Variants in CDK14 observed in about 807,000 individuals in gnomAD.
The protein encoded by CDK14 is cyclin-dependent kinase 14.
CDK14 carries 34 observed loss-of-function variants against 60.7 expected under a neutral mutation model. That is an observed-to-expected ratio of 0.56 (90% CI 0.43 to 0.75). The LOEUF (loss-of-function observed/expected upper bound fraction) is 0.75, where lower values mean the gene tolerates loss of function less well. Ranked by LOEUF, CDK14 falls within the 30% of genes least tolerant of loss-of-function variation. The pLI, the probability that CDK14 is intolerant of heterozygous loss-of-function variation, is 0.00. For missense variants in CDK14, 482 were observed against 564.1 expected (o/e 0.85, Z 1.47); for synonymous variants, 197 against 203.7 (o/e 0.97, Z 0.28).
intron 5 of CDK14, among the ~76,000 whole-genome samples, chr7:90,836,727 A>G (rs909816294): frequency 2.0e-5 from 3 of 152,236 alleles, no homozygotes; most frequent in South Asian, 2.1e-4. Context: ...CAACCCTTTT[A>G]TACAACTGCC....
intron 14 of CDK14, among the ~76,000 whole-genome samples, chr7:91,147,792 A>G (rs1800704233): frequency 6.6e-6 from 1 of 151,952 alleles, no homozygotes; most frequent in Admixed American, 6.5e-5. Context: ...ATAATGACCA[A>G]CTCTGAAATT....
chr7:90,918,369 A>G (rs1417995710), intron 8 of CDK14, among the ~76,000 whole-genome samples: 1 of 152,248 alleles, frequency 6.6e-6, no homozygotes, highest in East Asian at 1.9e-4. Context: ...ATTATAAGTC[A>G]TTCCTTCCTT....
intron 14 of CDK14, among the ~76,000 whole-genome samples, chr7:91,170,117 T>C (rs942230720): frequency 1.3e-5 from 2 of 152,228 alleles, no homozygotes; most frequent in Non-Finnish European, 2.9e-5. Context: ...GCCAGCACTT[T>C]TGCTCTGTGA....
intron 14 of CDK14, among the ~76,000 whole-genome samples, chr7:91,123,303 T>C (rs566317508): frequency 6.6e-6 from 1 of 152,320 alleles, no homozygotes; most frequent in Admixed American, 6.5e-5. Flanking sequence ...ACTGCCATTT[T>C]CTGCATTATC....
chr7:90,606,231 A>G (rs1353118982), intron 2 of CDK14, among the ~76,000 whole-genome samples: 1 of 152,228 alleles, frequency 6.6e-6, no homozygotes, highest in Non-Finnish European at 1.5e-5. Context: ...CAAGGCCAGA[A>G]AATCTTGGGA....
chr7:90,633,076 A>G (rs927427666), intron 2 of CDK14, among the ~76,000 whole-genome samples: 1 of 140,616 alleles, frequency 7.1e-6, no homozygotes, highest in Non-Finnish European at 1.5e-5. Flanking sequence ...AGCCTGGGCG[A>G]CAAAGCGAGA....
At chr7:90,917,775 A>G in intron 8 of CDK14, 51 bp downstream of exon 8, 2 of 1,586,376 alleles carry the variant, frequency 1.3e-6, no homozygotes, top group Non-Finnish European at 1.7e-6. Context: ...TGAGAATGCC[A>G]GGCAGATGGT....
chr7:91,057,016 G>A (rs1479708116), intron 11 of CDK14, among the ~76,000 whole-genome samples: 3 of 152,050 alleles, frequency 2.0e-5, no homozygotes, highest in South Asian at 4.1e-4. Context: ...CTAGTTTACA[G>A]TCCCACCAAC....
At chr7:91,007,335 G>T (rs1434749221) in intron 10 of CDK14, among the ~76,000 whole-genome samples, 1 of 152,180 alleles carries the variant, frequency 6.6e-6, no homozygotes, top group Admixed American at 6.5e-5. Flanking sequence ...TGCCGCAGTA[G>T]CATTATTCCC....
intron 2 of CDK14, among the ~76,000 whole-genome samples, chr7:90,724,918 A>G (rs1381198216): frequency 2.0e-5 from 3 of 152,220 alleles, no homozygotes; most frequent in African/African-American, 4.8e-5. Context: ...GCATGCTCCA[A>G]CATACTTGTA....
intron 5 of CDK14, among the ~76,000 whole-genome samples, chr7:90,826,825 A>G (rs1012594010): frequency 6.6e-6 from 1 of 152,070 alleles, no homozygotes; most frequent in Non-Finnish European, 1.5e-5. Flanking sequence ...AACATCTTGT[A>G]TTATTGTGGT....
intron 2 of CDK14, among the ~76,000 whole-genome samples, chr7:90,612,384 T>C (rs1799558846): frequency 6.6e-6 from 1 of 152,184 alleles, no homozygotes; most frequent in Non-Finnish European, 1.5e-5. Flanking sequence ...ACTCTTGATC[T>C]AGTTCAGCCT....
At chr7:91,168,278 A>C (rs886234527) in intron 14 of CDK14, among the ~76,000 whole-genome samples, 1 of 146,428 alleles carries the variant, frequency 6.8e-6, no homozygotes, top group African/African-American at 2.6e-5. Context: ...AAAAAAAAAG[A>C]TAATTGGGCC....
At chr7:90,890,033 G>A (rs1562815078) in intron 6 of CDK14, among the ~76,000 whole-genome samples, 1 of 152,186 alleles carries the variant, frequency 6.6e-6, no homozygotes, top group Non-Finnish European at 1.5e-5. Context: ...AATAACATTT[G>A]ATAAAATGCT....
At chr7:91,103,167 C>T (rs1451984912) in intron 12 of CDK14, among the ~76,000 whole-genome samples, 1 of 151,934 alleles carries the variant, frequency 6.6e-6, no homozygotes, top group African/African-American at 2.4e-5. Context: ...GCAGGAGAAT[C>T]GCTGGAACCC....
chr7:90,616,343 C>T (rs1448322766), intron 2 of CDK14, among the ~76,000 whole-genome samples: 1 of 152,076 alleles, frequency 6.6e-6, no homozygotes, highest in Non-Finnish European at 1.5e-5. Flanking sequence ...TACAGTTATT[C>T]AGGGCATGAA....
At chr7:90,816,336 G>T (rs1490309508) in intron 5 of CDK14, among the ~76,000 whole-genome samples, 4 of 152,130 alleles carry the variant, frequency 2.6e-5, no homozygotes, top group Non-Finnish European at 5.9e-5. Flanking sequence ...AGGGTGTGTG[G>T]GTTGCTCCTG....
chr7:90,782,176 G>A lies in CDK14; in HGVS notation c.465-8397G>A, dbSNP rs537764481. Among the ~76,000 whole-genome samples the A allele has an allele frequency of 1.5e-4, 23 of 152,130 alleles. No homozygotes were observed. The South Asian group carries it at 4.8e-3, about 32-fold the overall frequency. On this transcript the variant is annotated intron_variant, in intron 4 of 14. Coordinates refer to ENST00000380050, the MANE Select transcript of CDK14 (RefSeq NM_001287135.2). ...TCCTAGGTATTTTATTCTCTTTGAA[G>A]CAATTGTGAATGGGAGTTCACTCAT...
intron 14 of CDK14, among the ~76,000 whole-genome samples, chr7:91,120,840 T>C (rs961306690): frequency 2.0e-5 from 3 of 152,058 alleles, no homozygotes; most frequent in Non-Finnish European, 4.4e-5. Context: ...CCTGGCCCAA[T>C]AAAGCTTTAA....
Sources: gnomAD v4.1 joint callset for allele counts (sites outside exome capture counted in the v4.1 genomes callset) on GRCh38, gnomAD v4.1.1 for gene constraint, MANE v1.5 for transcripts, NCBI Gene and HGNC (gene_info 2026-07-23, HGNC 2026-07-21) for gene names.